The following JMY variants were observed in gnomAD, a reference collection of about 807,000 sequenced individuals.
JMY encodes the protein junction mediating and regulatory protein, p53 cofactor.
JMY carries 46 observed loss-of-function variants against 103.3 expected under a neutral mutation model. That is an observed-to-expected ratio of 0.45 (90% CI 0.35 to 0.57). The LOEUF is 0.57. JMY is among the 20% of genes least tolerant of loss of function. JMY has a pLI of 0.00. For missense variants in JMY, 1,238 were observed against 1,255.2 expected (o/e 0.99, Z 0.21); for synonymous variants, 526 against 489.3 (o/e 1.07, Z -0.99).
intron 1 of JMY, among the ~76,000 whole-genome samples, chr5:79,260,137 G>T (rs112536103): frequency 6.6e-6 from 1 of 152,200 alleles, no homozygotes; most frequent in Non-Finnish European, 1.5e-5. Flanking sequence ...TGAACCTGAC[G>T]CACCCAGGGC....
intron 1 of JMY, among the ~76,000 whole-genome samples, chr5:79,250,645 T>C (rs978637128): frequency 5.6e-5 from 8 of 143,782 alleles, no homozygotes; most frequent in Non-Finnish European, 9.0e-5. Context: ...TTTTTAATTA[T>C]TTTTCTTTTT....
intron 4 of JMY, among the ~76,000 whole-genome samples, chr5:79,293,588 C>CT (rs1396308996): frequency 6.6e-6 from 1 of 152,050 alleles, no homozygotes; most frequent in African/African-American, 2.4e-5. Flanking sequence ...ATTCTTACCC[C>CT]TTTTAGGTCA....
rs780284410 is a variant in JMY at position 79,281,971 on chromosome 5, C to T, written c.1206+3888C>T. Among the ~76,000 whole-genome samples the T allele has an allele frequency of 4.6e-5, 7 of 152,082 alleles. No homozygotes were observed. The South Asian group carries it at 1.5e-3, about 32-fold the overall frequency. Reference sequence around the variant, plus strand: ...CTGTAATCCCAGCACTTTGGGAGGCCGAGGCGGGCGGATCACAAGGTCAGG... The same window carrying T: ...CTGTAATCCCAGCACTTTGGGAGGCTGAGGCGGGCGGATCACAAGGTCAGG... On this transcript the variant is annotated intron_variant, in intron 2 of 10. Transcript: ENST00000396137.
At chr5:79,284,930 GA>G in intron 2 of JMY, 1 of 1,520,336 alleles carries the variant, frequency 6.6e-7, no homozygotes, top group Non-Finnish European at 9.0e-7. Flanking sequence ...GTGCTGGTCA[GA>G]GAGCCAAAAG....
rs185936633 is a variant in JMY, at chr5:79,250,268, C to T, written c.1032+12586C>T. On this transcript the variant is annotated intron_variant, in intron 1 of 10. Coordinates refer to ENST00000396137, the MANE Select transcript of JMY (RefSeq NM_152405.5). ...ACGGGTTGATCTTCAGCCTCCTGTA[C>T]CCTCCATAGGAACTCCTAGTACGTG... Among the ~76,000 whole-genome samples the T allele has an allele frequency of 5.3e-4, 81 of 152,288 alleles. 1 individual carries two copies. Among genetic ancestry groups the T allele is most frequent in the African/African-American group, 1.8e-3 (76 of 41,556 alleles).
In JMY at chr5:79,265,171, G is replaced by C. The variant is rs560933838; in HGVS notation, c.1033-12739G>C. Among the ~76,000 whole-genome samples the C allele has an allele frequency of 2.6e-5, 4 of 152,254 alleles. No homozygotes were observed. The South Asian group carries it at 8.3e-4, about 32-fold the overall frequency. ...GATCTCCTGACCTCGTGATCCGCCC[G>C]CCTTGGCCTCCCAAAGTGCTGGGAT... is the stretch of plus-strand genomic sequence containing the variant. On this transcript the variant is annotated intron_variant, in intron 1 of 10. Transcript: ENST00000396137.
At chr5:79,261,379 A>AAAT (rs771948118) in intron 1 of JMY, among the ~76,000 whole-genome samples, 33 of 151,318 alleles carry the variant, frequency 2.2e-4, no homozygotes, top group Non-Finnish European at 1.8e-4. Context: ...CCGTCTCTAC[A>AAAT]AATAATAATA....
At chr5:79,238,375 G>A (rs749821271) in intron 1 of JMY, among the ~76,000 whole-genome samples, 1 of 151,888 alleles carries the variant, frequency 6.6e-6, no homozygotes, top group Admixed American at 6.6e-5. Context: ...AAGTACAAAA[G>A]CCTTTTCAAA....
chr5:79,300,839 G>C lies in JMY; in HGVS notation c.1857G>C (p.Lys619Asn). The change falls in exon 6 of 11, where the codon AAG becomes AAC. Residue 619 changes from lysine to asparagine, a missense_variant. Coordinates refer to ENST00000396137, the MANE Select transcript of JMY (RefSeq NM_152405.5). The part of the protein sequence containing the change: ...LEARRGRVSA[K>N]KSYLRNKKEI... The stretch of plus-strand genomic sequence containing the variant: ...CAAGACGTGGACGGGTTTCTGCCAA[G>C]AAATCCTACCTCAGAAATAAAAAGG... 6.3e-7 allele frequency: 1 copy of C among 1,590,968 alleles called. No individual in the cohort carries two copies. The highest frequency in any genetic ancestry group is 8.5e-7 in the Non-Finnish European group (1 of 1,172,910).
chr5:79,321,146 A>G (rs1046436318), intron 10 of JMY, among the ~76,000 whole-genome samples: 3 of 152,224 alleles, frequency 2.0e-5, no homozygotes, highest in Non-Finnish European at 4.4e-5. Context: ...TGTCTTTTAT[A>G]TAAATGCTCC....
intron 1 of JMY, among the ~76,000 whole-genome samples, chr5:79,276,193 A>G (rs1745930769): frequency 6.6e-6 from 1 of 152,190 alleles, no homozygotes; most frequent in African/African-American, 2.4e-5. Flanking sequence ...GTCTTGGCTC[A>G]CTGCAACCTC....
intron 8 of JMY, among the ~76,000 whole-genome samples, chr5:79,312,900 G>A (rs1747097175): frequency 6.6e-6 from 1 of 152,166 alleles, no homozygotes; most frequent in Non-Finnish European, 1.5e-5. Context: ...GAGGTGGAGG[G>A]GAGCAGCATA....
rs1242423812 is a variant in JMY, at chr5:79,321,776, A to G, written c.*174A>G. On this transcript the variant is annotated 3_prime_UTR_variant, in exon 11 of 11. Coordinates refer to ENST00000396137, the MANE Select transcript of JMY (RefSeq NM_152405.5). ...AGGTTATCACTTTCCAGTCGTTCCA[A>G]TAGATGATGGTTAACATGAATTTTA... The G allele has an allele frequency of 1.3e-5, 2 of 152,212 alleles. No individual in the cohort carries two copies. Among genetic ancestry groups the G allele is most frequent in the Non-Finnish European group, 2.9e-5 (2 of 68,034 alleles). 9.4% of individuals were successfully genotyped at this position (152,212 alleles called of 1,614,324 possible). A position where few individuals can be genotyped will look rare whatever the true frequency, so the allele number is the denominator to read the frequency against.
At chr5:79,279,613 T>G (rs1179612091) in intron 2 of JMY, among the ~76,000 whole-genome samples, 1 of 152,184 alleles carries the variant, frequency 6.6e-6, no homozygotes, top group Non-Finnish European at 1.5e-5. Context: ...AAAGTAAGGT[T>G]GTCTGTGTGT....
intron 1 of JMY, among the ~76,000 whole-genome samples, chr5:79,239,269 T>C (rs1286279578): frequency 2.6e-5 from 4 of 152,168 alleles, no homozygotes; most frequent in Admixed American, 2.6e-4. Context: ...TTTATTTCCC[T>C]TTTTTATCAC....
chr5:79,243,105 TTTTG>T (rs1416754738), intron 1 of JMY, among the ~76,000 whole-genome samples: 3 of 152,178 alleles, frequency 2.0e-5, no homozygotes, highest in Non-Finnish European at 4.4e-5. Flanking sequence ...TTTTTGTTTG[TTTTG>T]TTTTTGTATC....
intron 1 of JMY, among the ~76,000 whole-genome samples, chr5:79,260,382 C>T (rs896508800): frequency 3.3e-5 from 5 of 152,184 alleles, no homozygotes; most frequent in African/African-American, 1.2e-4. Context: ...TATGCCTCCC[C>T]ACTGCAACTG....
intron 7 of JMY, among the ~76,000 whole-genome samples, chr5:79,312,028 G>T (rs952214005): frequency 2.6e-5 from 4 of 152,002 alleles, no homozygotes; most frequent in Admixed American, 2.6e-4. Context: ...TGTTGGCCTG[G>T]CTGGTCTCGA....
chr5:79,254,592 C>A (rs572868154), intron 1 of JMY, among the ~76,000 whole-genome samples: 1 of 152,188 alleles, frequency 6.6e-6, no homozygotes, highest in South Asian at 2.1e-4. Context: ...TTATCTTTGA[C>A]TGTTGGAAGT....
Sources: gnomAD v4.1 joint callset for allele counts (sites outside exome capture counted in the v4.1 genomes callset) on GRCh38, gnomAD v4.1.1 for gene constraint, MANE v1.5 for transcripts, NCBI Gene and HGNC (gene_info 2026-07-23, HGNC 2026-07-21) for gene names.